The following GPR149 variants were observed in gnomAD, a reference collection of about 807,000 sequenced individuals.
GPR149 encodes G protein-coupled receptor 149.
Under a neutral mutation model 50.2 loss-of-function variants are expected in GPR149, and 50 were observed. The observed-to-expected ratio is 1.00, with a 90% CI of 0.79 to 1.26. The LOEUF (loss-of-function observed/expected upper bound fraction) is 1.26. Among genes scored for constraint, GPR149 ranks in the 50% most tolerant of loss-of-function variants. GPR149 has a pLI of 0.00. For synonymous variants in GPR149, 405 were observed against 358.2 expected, an observed-to-expected ratio of 1.13 and a Z score of -1.48; for missense variants, 983 against 895.4, an observed-to-expected ratio of 1.10 and a Z score of -1.25.
chr3:154,354,191 G>T, intron 3 of GPR149: 3 of 491,286 alleles, frequency 6.1e-6, no homozygotes, highest in Non-Finnish European at 1.2e-5. Context: ...ATTTTCTCTT[G>T]TTTTTGATTT....
chr3:154,415,100 T>TA (rs1345535253), intron 3 of GPR149, among the ~76,000 whole-genome samples: 1 of 151,490 alleles, frequency 6.6e-6, no homozygotes, highest in Non-Finnish European at 1.5e-5. Context: ...ATAAAAAGTT[T>TA]AAAAAATGTA....
chr3:154,401,581 G>A (rs1321416788), intron 3 of GPR149, among the ~76,000 whole-genome samples: 1 of 152,060 alleles, frequency 6.6e-6, no homozygotes, highest in Non-Finnish European at 1.5e-5. Context: ...AATTCCTAGA[G>A]TATGTGATAT....
chr3:154,371,243 G>A (rs1714657566), intron 3 of GPR149, among the ~76,000 whole-genome samples: 1 of 152,180 alleles, frequency 6.6e-6, no homozygotes, highest in South Asian at 2.1e-4. Flanking sequence ...AGAGACTAGT[G>A]CAAGACCTCA....
At chr3:154,403,533 A>G (rs1278067011) in intron 3 of GPR149, among the ~76,000 whole-genome samples, 2 of 152,156 alleles carry the variant, frequency 1.3e-5, no homozygotes, top group Non-Finnish European at 2.9e-5. Context: ...TTGAAAGCAT[A>G]TATAGCTTTG....
At chr3:154,393,535 A>G (rs1715216839) in intron 3 of GPR149, among the ~76,000 whole-genome samples, 1 of 151,894 alleles carries the variant, frequency 6.6e-6, no homozygotes, top group African/African-American at 2.4e-5. Context: ...AAGGATGCCC[A>G]CTCTCGCTAC....
intron 3 of GPR149, among the ~76,000 whole-genome samples, chr3:154,415,698 G>A (rs1434552409): frequency 1.3e-5 from 2 of 151,914 alleles, no homozygotes; most frequent in South Asian, 4.2e-4. Context: ...TGTAAACAGT[G>A]GTTAACTCTG....
chr3:154,397,180 A>G (rs992391661), intron 3 of GPR149, among the ~76,000 whole-genome samples: 1 of 152,082 alleles, frequency 6.6e-6, no homozygotes, highest in Non-Finnish European at 1.5e-5. Context: ...ACCTAAACCA[A>G]CTCTCAGGTG....
At chr3:154,414,655 G>A (rs73872858) in intron 3 of GPR149, among the ~76,000 whole-genome samples, 1,608 of 152,078 alleles carry the variant, frequency 0.011, 20 homozygotes, top group African/African-American at 0.034. Flanking sequence ...ATCATAAGAT[G>A]TATCAACATC....
chr3:154,405,038 A>G lies in GPR149; in HGVS notation c.1623+16001T>C, dbSNP rs560368500. 4.6e-5 allele frequency among the ~76,000 whole-genome samples: 7 copies of G among 152,350 alleles called. No individual in the cohort carries two copies. The East Asian group carries it at 1.3e-3, about 29-fold the overall frequency. On this transcript the variant is annotated intron_variant, in intron 3 of 3. Coordinates refer to ENST00000389740, the MANE Select transcript of GPR149 (RefSeq NM_001038705.3). The stretch of plus-strand genomic sequence containing the variant: ...AACAATGTTTTAGGAGTGTTAGCCA[A>G]TATAATCAGACAAGAGAAATTAAAC...
rs566033234 is a variant in GPR149 at position 154,336,651 on chromosome 3, T to C, written c.*1048A>G. 3 of 152,204 alleles carry C rather than the reference T, an allele frequency of 2.0e-5. No individual in the cohort carries two copies. The highest frequency in any genetic ancestry group is 6.5e-5 in the Admixed American group (1 of 15,280). The allele number at this position is 152,204 out of a possible 1,614,324, so 9.4% of individuals were successfully genotyped here. ...CCTTACAATCACTTAATAAAATAGG[T>C]TCAACTGTTTCTTTGAGACAACACG... On this transcript the variant is annotated 3_prime_UTR_variant, in exon 4 of 4. Transcript: ENST00000389740.
rs572749660 is a variant in GPR149, at chr3:154,380,960, T to G, written c.1623+40079A>C. On this transcript the variant is annotated intron_variant, in intron 3 of 3. Transcript: ENST00000389740. ...TGCTCAAAACCAGTGTTTTCCAACCTAGGTTCTCATCAGAATCTCTTGGAG... is the reference window on the plus strand; with the variant it reads ...TGCTCAAAACCAGTGTTTTCCAACCGAGGTTCTCATCAGAATCTCTTGGAG... 1.9e-3 allele frequency among the ~76,000 whole-genome samples: 295 copies of G among 152,296 alleles called. 1 individual carries two copies. Among genetic ancestry groups the G allele is most frequent in the Non-Finnish European group, 1.9e-3 (126 of 68,028 alleles).
rs1228637996 is a variant in GPR149, at chr3:154,429,297, T to A, written c.319A>T (p.Thr107Ser). The A allele has an allele frequency of 6.2e-7, 1 of 1,613,922 alleles. No homozygotes were observed. The highest frequency in any genetic ancestry group is 2.2e-5 in the East Asian group (1 of 44,846). ...VPGYFQFLCT[T>S]SALMYLCQGL... is the part of the protein sequence containing the mutation. The stretch of plus-strand genomic sequence containing the variant: ...TGGCATAAATACATTAAGGCAGAGG[T>A]GGTGCACAGAAATTGGAAGTAACCG... Residue 107 changes from threonine (T) to serine (S), a missense_variant, in exon 1 of 4, where the codon ACC becomes TCC. By Grantham distance (58) the Thr-to-Ser change is moderately conservative. Coordinates refer to ENST00000389740, the MANE Select transcript of GPR149 (RefSeq NM_001038705.3).
intron 3 of GPR149, among the ~76,000 whole-genome samples, chr3:154,372,876 C>T (rs1385069571): frequency 2.6e-5 from 4 of 152,054 alleles, no homozygotes; most frequent in African/African-American, 9.7e-5. Context: ...ACAGGAAACA[C>T]AGAAGAGAAG....
At chr3:154,366,098 T>C (rs1224783129) in intron 3 of GPR149, among the ~76,000 whole-genome samples, 2 of 152,116 alleles carry the variant, frequency 1.3e-5, no homozygotes, top group Non-Finnish European at 2.9e-5. Flanking sequence ...TCCTAGGCCC[T>C]CAACCAAATG....
intron 3 of GPR149, among the ~76,000 whole-genome samples, chr3:154,351,272 CT>C (rs1714070241): frequency 8.7e-6 from 1 of 114,810 alleles, no homozygotes; most frequent in African/African-American, 3.5e-5. Flanking sequence ...GAAAGTTAGC[CT>C]TTTCAATTAA....
intron 3 of GPR149, among the ~76,000 whole-genome samples, chr3:154,399,415 G>C (rs1314858370): frequency 6.6e-6 from 1 of 152,118 alleles, no homozygotes; most frequent in Non-Finnish European, 1.5e-5. Context: ...TTCACATAAA[G>C]ATGGCCAGTT....
At chr3:154,353,990 T>G in intron 3 of GPR149, 3 of 478,684 alleles carry the variant, frequency 6.3e-6, no homozygotes, top group South Asian at 5.9e-5. Context: ...AGTAGAACTA[T>G]CTAAGGATGA....
rs1378186061 is a variant in GPR149 at position 154,412,694 on chromosome 3, G to A, written c.1623+8345C>T. Among the ~76,000 whole-genome samples the A allele has an allele frequency of 5.3e-5, 8 of 152,212 alleles. No homozygotes were observed. In the South Asian group the frequency reaches 1.5e-3, roughly 28 times the overall value. On this transcript the variant is annotated intron_variant, in intron 3 of 3. Coordinates refer to ENST00000389740, the MANE Select transcript of GPR149 (RefSeq NM_001038705.3). ...AAGCACATCCCATGCTCATGTATGG[G>A]TAGAATCAATTTTGTGAAAATGACC...
intron 3 of GPR149, among the ~76,000 whole-genome samples, chr3:154,418,461 T>G (rs545697410): frequency 9.3e-5 from 9 of 97,238 alleles, no homozygotes; most frequent in African/African-American, 3.8e-4. Context: ...GTGGCACATA[T>G]ACACCATGGA....
Sources: gnomAD v4.1 joint callset for allele counts (sites outside exome capture counted in the v4.1 genomes callset) on GRCh38, gnomAD v4.1.1 for gene constraint, MANE v1.5 for transcripts, NCBI Gene and HGNC (gene_info 2026-07-23, HGNC 2026-07-21) for gene names.